Variants in TMEM94 observed in about 807,000 individuals in gnomAD.
TMEM94 encodes ER Mg2+ ATPase.
In TMEM94, 81 loss-of-function variants were observed where a neutral mutation model predicts 158.6. The ratio of observed to expected loss-of-function variants is 0.51; its 90% confidence interval spans 0.43 to 0.61. TMEM94 has a LOEUF of 0.61. Among genes scored for constraint, TMEM94 ranks in the 20% least tolerant of loss-of-function variants. TMEM94 has a pLI of 0.00. For synonymous variants in TMEM94, 751 were observed against 730.7 expected, an observed-to-expected ratio of 1.03 and a Z score of -0.45; for missense variants, 1,435 against 1,762.0, an observed-to-expected ratio of 0.81 and a Z score of 3.32.
intron 9 of TMEM94, 154 bp from the exon 10 acceptor site, chr17:75,490,080 A>G: frequency 2.5e-6 from 2 of 791,614 alleles, no homozygotes; most frequent in Non-Finnish European, 1.8e-6. Context: ...TCCGTCTCAA[A>G]AAAAAAAAAA....
At chr17:75,461,975 A>T (rs2050086204) in intron 1 of TMEM94, among the ~76,000 whole-genome samples, 1 of 141,196 alleles carries the variant, frequency 7.1e-6, no homozygotes. Flanking sequence ...TATCTCCTAT[A>T]TAAATTTTAC....
intron 1 of TMEM94, among the ~76,000 whole-genome samples, chr17:75,470,341 G>A (rs1319708982): frequency 1.3e-5 from 2 of 151,962 alleles, no homozygotes; most frequent in Admixed American, 6.6e-5. Flanking sequence ...TAGGCTGGGC[G>A]TGGTGGCTCA....
In TMEM94 at chr17:75,495,398, G is replaced by A. The variant is rs745858021; in HGVS notation, c.2843G>A (p.Arg948Gln). The change falls in exon 21 of 32, where the codon CGG becomes CAG. Residue 948 changes from arginine (R) to glutamine (Q), a missense_variant and splice_region_variant. Physicochemically the swap from Arg to Gln is conservative, Grantham distance 43 (BLOSUM62 1). Around this residue, in one of 3 missense-constraint regions of TMEM94, gnomAD observed 1,051 missense variants for 1,254.4 expected, o/e 0.84. Transcript: ENST00000314256. The surrounding 1 kb of genome is among the most constrained non-coding windows in gnomAD (Gnocchi z 5.6). ...CCCAGCTTCCTGGAGGACTCCAACC[G>A]GGTACGATGGCAGGATCTGTCTCAC... ...DIPSFLEDSN[R>Q]AKLPRGIHQV... 4.3e-6 allele frequency: 7 copies of A among 1,612,630 alleles called. No individual in the cohort carries two copies. The highest frequency in any genetic ancestry group is 1.7e-5 in the Admixed American group (1 of 59,992).
In TMEM94 at chr17:75,491,808, C is replaced by T; in HGVS notation, c.1504C>T (p.His502Tyr). ...TCCCAAGCCCCCCGAGCCCTATTCA[C>T]ACCACAAAGCGCATGGCCGCAGCAA... ...EAPKPPEPYS[H>Y]HKAHGRSKHP... The change falls in exon 14 of 32, where the codon CAC (histidine) becomes TAC (tyrosine). Residue 502 changes from histidine to tyrosine, a missense_variant. This residue lies in a region of TMEM94 where 1,051 missense variants were observed against 1,254.4 expected (regional missense o/e 0.84). Transcript: ENST00000314256. This position sits in a 1 kb window ranked among gnomAD's most constrained non-coding sequence, Gnocchi z 5.1. The T allele has an allele frequency of 1.2e-6, 2 of 1,614,114 alleles. No individual in the cohort carries two copies. Among genetic ancestry groups the T allele is most frequent in the Non-Finnish European group, 1.7e-6 (2 of 1,180,032 alleles).
Position 75,495,901 on chromosome 17 carries a change from C to T in TMEM94, c.2945-65C>T. On this transcript the variant is annotated intron_variant, in intron 22 of 31. Coordinates refer to ENST00000314256, the MANE Select transcript of TMEM94 (RefSeq NM_014738.6). This position sits in a 1 kb window ranked among gnomAD's most constrained non-coding sequence, Gnocchi z 5.6. ...CCTCCTGCTCTCCTGTCCCATGGGT[C>T]TCTGCCCAGTGCCCACTTGGTGCTC... The T allele has an allele frequency of 8.3e-7, 1 of 1,201,602 alleles. No homozygotes were observed. Among genetic ancestry groups the T allele is most frequent in the African/African-American group, 1.5e-5 (1 of 66,798 alleles). 74.4% of individuals were successfully genotyped at this position (1,201,602 alleles called of 1,614,324 possible).
intron 7 of TMEM94, 47 bp downstream of exon 7, chr17:75,488,957 A>G: frequency 1.3e-6 from 2 of 1,521,380 alleles, no homozygotes; most frequent in Non-Finnish European, 1.8e-6. Context: ...TCTTCTGTGA[A>G]GAGGGGAATG....
In TMEM94 at chr17:75,493,761, A is replaced by C; in HGVS notation, c.2252A>C (p.Tyr751Ser). The change falls in exon 18 of 32, where the codon TAC (tyrosine) becomes TCC (serine). Residue 751 changes from tyrosine to serine, a missense_variant. Tyr to Ser is a moderately radical substitution (Grantham distance 144). This residue lies in a region of TMEM94 where 1,051 missense variants were observed against 1,254.4 expected (regional missense o/e 0.84). Transcript: ENST00000314256. The part of the protein sequence containing the change: ...CLSGYCSAFA[Y>S]KPMNCALSSQ... ...TCTGGGTATTGCTCTGCCTTCGCCT[A>C]CAAGCCCATGAACTGCGCCCTGTCC... 6.2e-7 allele frequency: 1 copy of C among 1,614,098 alleles called. No individual in the cohort carries two copies. Among genetic ancestry groups the C allele is most frequent in the African/African-American group, 1.3e-5 (1 of 75,058 alleles).
chr17:75,489,940 G>A lies in TMEM94; in HGVS notation c.954+278G>A, dbSNP rs8078652. 353,348 of 560,020 alleles carry A rather than the reference G, an allele frequency of 0.63. 118,892 individuals carry two copies. Among genetic ancestry groups the A allele is most frequent in the Non-Finnish European group, 0.71 (221,283 of 312,456 alleles). 34.7% of individuals were successfully genotyped at this position (560,020 alleles called of 1,614,324 possible). ...CTAAGAATATAAAAATTAGCTGGGC[G>A]TGGTGGCACGTGCCTGTGGTCCCAG... On this transcript the variant is annotated intron_variant, in intron 9 of 31. Coordinates refer to ENST00000314256, the MANE Select transcript of TMEM94 (RefSeq NM_014738.6). The surrounding 1 kb of genome is among the most constrained non-coding windows in gnomAD (Gnocchi z 5.0).
At chr17:75,468,992 TGACG>T (rs2050402556) in intron 1 of TMEM94, among the ~76,000 whole-genome samples, 1 of 152,024 alleles carries the variant, frequency 6.6e-6, no homozygotes, top group Non-Finnish European at 1.5e-5. Context: ...ATCATTAGAG[TGACG>T]GCTGCCAGGA....
chr17:75,498,933 G>A lies in TMEM94; in HGVS notation c.3849G>A (p.Gln1283=), dbSNP rs774690399. ...GCAGGCTGCTGGGTCAGGTGGTCCA[G>A]ACGGCTGTGGACCTGCAGCTGTGGA... ...VPVVLLGQVV[Q]TAVDLQLWTH... is the part of the protein sequence containing the mutation. The change falls in exon 31 of 32, where the codon CAG becomes CAA. Residue 1283 remains glutamine, a synonymous_variant. Coordinates refer to ENST00000314256, the MANE Select transcript of TMEM94 (RefSeq NM_014738.6). This position sits in a 1 kb window ranked among gnomAD's most constrained non-coding sequence, Gnocchi z 6.7. The A allele has an allele frequency of 5.8e-6, 9 of 1,559,938 alleles. No individual in the cohort carries two copies. The highest frequency in any genetic ancestry group is 7.8e-6 in the Non-Finnish European group (9 of 1,152,640).
intron 18 of TMEM94, among the ~76,000 whole-genome samples, 197 bp from the exon 19 acceptor site, chr17:75,494,430 C>CA (rs1200530230): frequency 1.3e-5 from 2 of 152,246 alleles, no homozygotes; most frequent in Non-Finnish European, 2.9e-5. Context: ...GCTTCCAGCT[C>CA]AGATTCGGCT....
chr17:75,496,162 A>G (rs775524308), intron 23 of TMEM94, 88 bp downstream of exon 23: 2 of 1,515,406 alleles, frequency 1.3e-6, no homozygotes, highest in East Asian at 2.3e-5. Flanking sequence ...GGGGGTGTGT[A>G]CTATAGCCGA....
intron 1 of TMEM94, among the ~76,000 whole-genome samples, chr17:75,468,358 C>T (rs9916888): frequency 0.024 from 3,617 of 152,286 alleles, 137 homozygotes; most frequent in African/African-American, 0.083. Context: ...TTTGCCTTTG[C>T]AGCGTTGGCA....
At chr17:75,465,415 A>C (rs901187417) in intron 1 of TMEM94, among the ~76,000 whole-genome samples, 3 of 151,324 alleles carry the variant, frequency 2.0e-5, no homozygotes, top group Non-Finnish European at 4.4e-5. Flanking sequence ...GTCTGTTCAA[A>C]TCTCTGCCTG....
intron 2 of TMEM94, chr17:75,476,439 T>A (rs2146308965): frequency 1.5e-4 from 144 of 984,832 alleles, no homozygotes; most frequent in East Asian, 2.4e-4. Context: ...CCTCCCGCCC[T>A]TCCAGGGCTG....
chr17:75,469,677 G>A (rs7208943), intron 1 of TMEM94, among the ~76,000 whole-genome samples: 6,837 of 151,396 alleles, frequency 0.045, 146 homozygotes, highest in Middle Eastern at 0.11. Context: ...CTGACTGGGT[G>A]TAGTGGCTCA....
rs182323333 is a variant in TMEM94, at chr17:75,468,006, C to T, written c.-106-3794C>T. Among the ~76,000 whole-genome samples, 509 of 152,264 alleles carry T rather than the reference C, an allele frequency of 3.3e-3. 2 individuals are homozygous for T. The highest frequency in any genetic ancestry group is 0.017 in the South Asian group (82 of 4,818). The stretch of plus-strand genomic sequence containing the variant: ...TACTATTTTTCATAATTCTATAGCT[C>T]CTCTGTGAAATAGATATTGTCATTT... On this transcript the variant is annotated intron_variant, in intron 1 of 31. Coordinates refer to ENST00000314256, the MANE Select transcript of TMEM94 (RefSeq NM_014738.6).
At chr17:75,468,459 T>C in intron 1 of TMEM94, among the ~76,000 whole-genome samples, 1 of 152,204 alleles carries the variant, frequency 6.6e-6, no homozygotes, top group Non-Finnish European at 1.5e-5. Flanking sequence ...GGATGGGGTG[T>C]CATGGGGACC....
rs746557138 is a variant in TMEM94 at position 75,488,178 on chromosome 17, A to G, written c.612+44A>G. ...TCTCCCTTGGAAATGCGGTGGGAAC[A>G]TCCACAGGCAACGATGGGAGGGTCC... On this transcript the variant is annotated intron_variant, in intron 6 of 31. Transcript: ENST00000314256. 5.0e-6 allele frequency: 8 copies of G among 1,591,548 alleles called. No homozygotes were observed. In the African/African-American group the frequency reaches 1.1e-4, roughly 21 times the overall value.
Sources: gnomAD v4.1 joint callset for allele counts (sites outside exome capture counted in the v4.1 genomes callset) on GRCh38, gnomAD v4.1.1 for gene constraint, gnomAD v4.1.1 regional missense constraint, Gnocchi (gnomAD v3.1) non-coding constraint, MANE v1.5 for transcripts, NCBI Gene and HGNC (gene_info 2026-07-23, HGNC 2026-07-21) for gene names.